Variants in CNTN5 observed in about 807,000 individuals in gnomAD.
CNTN5 encodes contactin 5, also known as contactin-5.
CNTN5 carries 77 observed loss-of-function variants against 129.1 expected under a neutral mutation model. The ratio of observed to expected loss-of-function variants is 0.60; its 90% CI spans 0.50 to 0.72. The LOEUF (loss-of-function observed/expected upper bound fraction) is 0.72, where lower values mean the gene tolerates loss of function less well. CNTN5 is among the 30% of genes least tolerant of loss of function. CNTN5 has a pLI of 0.00. For synonymous variants in CNTN5, 509 were observed against 465.6 expected, an observed-to-expected ratio of 1.09 and a Z score of -1.20; for missense variants, 1,478 against 1,328.8, an observed-to-expected ratio of 1.11 and a Z score of -1.75.
At chr11:99,925,822 A>G (rs1591431877) in intron 7 of CNTN5, among the ~76,000 whole-genome samples, 1 of 152,262 alleles carries the variant, frequency 6.6e-6, no homozygotes, top group Middle Eastern at 3.4e-3. Flanking sequence ...GATAAGATAT[A>G]AGTAAACAAA....
chr11:99,030,876 G>A (rs148923393), intron 1 of CNTN5, among the ~76,000 whole-genome samples: 1,523 of 150,804 alleles, frequency 0.01, 18 homozygotes, highest in African/African-American at 0.034. Context: ...CGCCTCCCGG[G>A]TTCACGCCAT....
intron 4 of CNTN5, among the ~76,000 whole-genome samples, chr11:99,830,636 C>T (rs905505666): frequency 2.6e-5 from 4 of 152,068 alleles, no homozygotes; most frequent in Non-Finnish European, 4.4e-5. Flanking sequence ...AAATAAAATA[C>T]ATCATGTCAG....
At chr11:99,807,766 T>G (rs1404754423) in intron 3 of CNTN5, among the ~76,000 whole-genome samples, 1 of 152,208 alleles carries the variant, frequency 6.6e-6, no homozygotes, top group Non-Finnish European at 1.5e-5. Context: ...TCTGCCTGTG[T>G]CTCTGTTGGC....
chr11:99,213,373 T>C (rs11218874), intron 1 of CNTN5, among the ~76,000 whole-genome samples: 7,878 of 120,440 alleles, frequency 0.065, 351 homozygotes, highest in Non-Finnish European at 0.094. Context: ...TATGTATATA[T>C]GTATATACAT....
chr11:99,373,319 G>T (rs1939945151), intron 2 of CNTN5, among the ~76,000 whole-genome samples: 1 of 151,950 alleles, frequency 6.6e-6, no homozygotes, highest in South Asian at 2.1e-4. Flanking sequence ...AATAATGAAG[G>T]GTCAATAGAG....
At chr11:99,268,023 G>C (rs73534993) in intron 1 of CNTN5, among the ~76,000 whole-genome samples, 2,552 of 150,590 alleles carry the variant, frequency 0.017, 83 homozygotes, top group African/African-American at 0.059. Flanking sequence ...CCACATGACA[G>C]AGGTATTTCT....
At chr11:100,126,804 G>A (rs118100202) in intron 13 of CNTN5, among the ~76,000 whole-genome samples, 1 of 152,158 alleles carries the variant, frequency 6.6e-6, no homozygotes, top group Non-Finnish European at 1.5e-5. Flanking sequence ...TGACATGTAA[G>A]CTTTTAATCT....
intron 3 of CNTN5, among the ~76,000 whole-genome samples, chr11:99,679,633 C>A (rs1391687251): frequency 6.6e-6 from 1 of 152,168 alleles, no homozygotes; most frequent in Non-Finnish European, 1.5e-5. Context: ...CTGTCCTTGG[C>A]CTTCCTTATT....
At chr11:99,848,949 T>C (rs1221915530) in intron 6 of CNTN5, among the ~76,000 whole-genome samples, 2 of 152,196 alleles carry the variant, frequency 1.3e-5, no homozygotes, top group Non-Finnish European at 2.9e-5. Context: ...GTTATATCAA[T>C]GATACTTTCT....
chr11:99,485,361 T>G (rs535654730), intron 2 of CNTN5, among the ~76,000 whole-genome samples: 1 of 152,030 alleles, frequency 6.6e-6, no homozygotes, highest in Non-Finnish European at 1.5e-5. Context: ...GGTAACTATG[T>G]GTCATTATAT....
intron 1 of CNTN5, among the ~76,000 whole-genome samples, chr11:99,214,742 A>G (rs537602692): frequency 5.9e-5 from 9 of 152,192 alleles, no homozygotes; most frequent in South Asian, 4.1e-4. Context: ...AATTCACTCA[A>G]TCTTCAGACT....
At chr11:99,886,231 T>C (rs146098527) in intron 6 of CNTN5, among the ~76,000 whole-genome samples, 101 of 152,180 alleles carry the variant, frequency 6.6e-4, no homozygotes, top group Admixed American at 2.6e-3. Context: ...ATAACTCTTA[T>C]TTAAAATTCA....
intron 7 of CNTN5, among the ~76,000 whole-genome samples, chr11:99,948,422 C>G (rs1277803603): frequency 2.0e-5 from 3 of 152,170 alleles, no homozygotes; most frequent in Non-Finnish European, 4.4e-5. Context: ...TACAGTGTGA[C>G]TTAATGGTTA....
At chr11:100,315,287 C>T (rs1036157747) in intron 21 of CNTN5, among the ~76,000 whole-genome samples, 1 of 152,108 alleles carries the variant, frequency 6.6e-6, no homozygotes, top group Non-Finnish European at 1.5e-5. Context: ...AATAATAAAC[C>T]AAGCATTTTG....
chr11:99,161,179 A>G (rs1338601029), intron 1 of CNTN5, among the ~76,000 whole-genome samples: 1 of 152,178 alleles, frequency 6.6e-6, no homozygotes, highest in Non-Finnish European at 1.5e-5. Flanking sequence ...CATGTTAATT[A>G]CTGCAAATGT....
At chr11:99,898,035 A>G (rs1035841348) in intron 6 of CNTN5, among the ~76,000 whole-genome samples, 8 of 152,184 alleles carry the variant, frequency 5.3e-5, no homozygotes, top group Non-Finnish European at 1.0e-4. Flanking sequence ...TAATGAAAAT[A>G]GCAACATAAC....
chr11:99,204,983 C>T (rs1380714952), intron 1 of CNTN5, among the ~76,000 whole-genome samples: 1 of 152,096 alleles, frequency 6.6e-6, no homozygotes, highest in Non-Finnish European at 1.5e-5. Flanking sequence ...AAAAAGTGCT[C>T]ATCACATGGC....
chr11:99,564,954 T>A lies in CNTN5; in HGVS notation c.55+8685T>A, dbSNP rs552956983. Among the ~76,000 whole-genome samples, 5 of 152,350 alleles carry A rather than the reference T, an allele frequency of 3.3e-5. No homozygotes were observed. In the East Asian group the frequency reaches 7.7e-4, roughly 23 times the overall value. On this transcript the variant is annotated intron_variant, in intron 3 of 24. Transcript: ENST00000524871. ...AATTTCTCCAGCTAATGGGTTTTTT[T>A]AACTATCATATTCTTTTTAGACTAT...
intron 1 of CNTN5, among the ~76,000 whole-genome samples, chr11:99,190,227 G>A (rs1212202472): frequency 1.3e-5 from 2 of 151,440 alleles, no homozygotes; most frequent in Admixed American, 6.6e-5. Context: ...TATTTCTGGG[G>A]TTTCTATTCT....
Sources: allele counts gnomAD v4.1 joint callset (sites outside exome capture counted in the v4.1 genomes callset), GRCh38; gene constraint gnomAD v4.1.1; transcripts MANE v1.5; gene names NCBI Gene and HGNC (gene_info 2026-07-23, HGNC 2026-07-21).